Variants in COG1 observed in about 807,000 individuals in gnomAD.
COG1 encodes conserved oligomeric Golgi complex subunit 1.
A neutral mutation model predicts 102.2 loss-of-function variants in COG1; 61 were observed. That is an observed-to-expected ratio of 0.60 (90% confidence interval 0.49 to 0.74). The LOEUF (loss-of-function observed/expected upper bound fraction) is 0.74. Ranked by LOEUF, COG1 falls within the 30% of genes least tolerant of loss-of-function variation. The pLI is 0.00. For missense variants in COG1, 1,164 were observed against 1,232.1 expected (o/e 0.94, Z 0.83); for synonymous variants, 454 against 493.6 (o/e 0.92, Z 1.06).
At chr17:73,207,954 GCAAAAAC>G in intron 13 of COG1, 1 of 1,211,512 alleles carries the variant, frequency 8.3e-7, no homozygotes, top group Admixed American at 3.8e-5. Context: ...AAAAGCTCTT[GCAAAAAC>G]CATCCAGTCC....
At chr17:73,207,690 G>A (rs538172842) in intron 13 of COG1, 54 of 1,293,102 alleles carry the variant, frequency 4.2e-5, no homozygotes, top group South Asian at 3.3e-4. Flanking sequence ...GTTAATACAC[G>A]TTTCATTTCA....
rs140883749 is a variant in COG1, at chr17:73,200,468, C to G, written c.1071-98C>G. 167 of 1,043,068 alleles carry G rather than the reference C, an allele frequency of 1.6e-4. 3 individuals are homozygous for G. The East Asian group carries it at 2.8e-3, about 17-fold the overall frequency. 64.6% of individuals were successfully genotyped at this position (1,043,068 alleles called of 1,614,324 possible). A position where few individuals can be genotyped will look rare whatever the true frequency, so the allele number is the denominator to read the frequency against. ...ACATAGATATTTATCTACTGGAACTCAGATAAGAGATTGTCAAATGGGATT... is the reference window on the plus strand; with the variant it reads ...ACATAGATATTTATCTACTGGAACTGAGATAAGAGATTGTCAAATGGGATT... On this transcript the variant is annotated intron_variant, in intron 5 of 13. Transcript: ENST00000299886.
chr17:73,193,243 C>G lies in COG1; in HGVS notation c.174C>G (p.Asp58Glu). 3.1e-6 allele frequency: 5 copies of G among 1,608,818 alleles called. No individual in the cohort carries two copies. The highest frequency in any genetic ancestry group is 2.2e-5 in the South Asian group (2 of 90,052). ...AGATGGTGGGCGAACGGTACCGCGACCTGATCGAGGCGGCCGACACCATCG... is the reference window on the plus strand; with the variant it reads ...AGATGGTGGGCGAACGGTACCGCGAGCTGATCGAGGCGGCCGACACCATCG... ...LRQMVGERYR[D>E]LIEAADTIGQ... Residue 58 changes from aspartate (D) to glutamate (E), a missense_variant, in exon 1 of 14, where the codon GAC (aspartate) becomes GAG (glutamate). Physicochemically the swap from Asp to Glu is conservative, Grantham distance 45. Transcript: ENST00000299886.
rs1204848032 is a variant in COG1 at position 73,204,422 on chromosome 17, CAGTTGCCTGCCACAA to C, written c.2382+633_2382+647del. On this transcript the variant is annotated intron_variant, in intron 9 of 13. Transcript: ENST00000299886. Reference sequence around the variant, plus strand: ...GGTGACTGTGGGGAGTTAGAGAGAACAGTTGCCTGCCACAAAGTGTGACACACAGAGGTGCTTACT... The same window carrying C: ...GGTGACTGTGGGGAGTTAGAGAGAACAGTGTGACACACAGAGGTGCTTACT... Among the ~76,000 whole-genome samples the C allele has an allele frequency of 1.3e-5, 2 of 152,110 alleles. 1 individual carries two copies. Among genetic ancestry groups the C allele is most frequent in the African/African-American group, 4.8e-5 (2 of 41,376 alleles).
chr17:73,201,681 C>A lies in COG1; in HGVS notation c.1854C>A (p.Cys618Ter). The A allele has an allele frequency of 6.2e-7, 1 of 1,614,192 alleles. No individual in the cohort carries two copies. Among genetic ancestry groups the A allele is most frequent in the Non-Finnish European group, 8.5e-7 (1 of 1,180,044 alleles). ...CAGTTCTTTTCATGGCCAGACTCTG[C>A]CAGTCCCTGGGAGAGCTGTGCCCCC... ...LHSVLFMARL[C>*]QSLGELCPHL... is the part of the protein sequence containing the mutation. Residue 618 changes from cysteine (C) to a stop codon, truncating the protein, a stop_gained, in exon 7 of 14, where the codon TGC becomes TGA. Transcript: ENST00000299886. LOFTEE classifies it high-confidence loss of function.
At position 73,208,392 on chromosome 17, in the gene COG1, G is replaced by C; in HGVS notation, c.2884G>C (p.Asp962His). ...SLFRQLVSEE[D>H]NTSAPSLFKL... is the part of the protein sequence containing the mutation. Reference sequence around the variant, plus strand: ...GTTCAGACAGCTTGTCAGTGAAGAAGACAACACGTCTGCACCTTCATTATT... The same window carrying C: ...GTTCAGACAGCTTGTCAGTGAAGAACACAACACGTCTGCACCTTCATTATT... The change falls in exon 14 of 14, where the codon GAC (aspartate) becomes CAC (histidine). Residue 962 changes from aspartate to histidine, a missense_variant. Physicochemically the swap from Asp to His is moderately conservative, Grantham distance 81 (BLOSUM62 -1). Transcript: ENST00000299886. 6.2e-7 allele frequency: 1 copy of C among 1,614,124 alleles called. No homozygotes were observed. Among genetic ancestry groups the C allele is most frequent in the Non-Finnish European group, 8.5e-7 (1 of 1,179,974 alleles).
At chr17:73,193,440 C>G (rs1245072327) in intron 1 of COG1, 56 bp downstream of exon 1, 5 of 1,379,494 alleles carry the variant, frequency 3.6e-6, no homozygotes, top group Middle Eastern at 2.7e-4. Flanking sequence ...AGCCCCTGGC[C>G]TTGCAGGTCA....
At chr17:73,204,525 C>T (rs2061360118) in intron 9 of COG1, among the ~76,000 whole-genome samples, 1 of 151,028 alleles carries the variant, frequency 6.6e-6, no homozygotes, top group Non-Finnish European at 1.5e-5. Context: ...GCGTTCTGCC[C>T]TTGGTGTATA....
At position 73,205,641 on chromosome 17, in the gene COG1, G is replaced by A; in HGVS notation, c.2471G>A (p.Gly824Asp). 6.2e-7 allele frequency: 1 copy of A among 1,614,040 alleles called. No individual in the cohort carries two copies. Among genetic ancestry groups the A allele is most frequent in the Non-Finnish European group, 8.5e-7 (1 of 1,180,000 alleles). The change falls in exon 10 of 14, where the codon GGT becomes GAT. Residue 824 changes from glycine (G) to aspartate (D), a missense_variant. Transcript: ENST00000299886. ...RYLNIVLTAKGDEVKSGRSKP... is the reference protein window; with the variant it reads ...RYLNIVLTAKDDEVKSGRSKP... ...CTCAACATTGTTCTGACAGCCAAGG[G>A]TGACGAGGTGAAGAGTGGCCGGAGC...
At chr17:73,205,832 A>T in intron 10 of COG1, 152 bp downstream of exon 10, 2 of 968,128 alleles carry the variant, frequency 2.1e-6, no homozygotes, top group Non-Finnish European at 3.3e-6. Context: ...CAAGTTAAAT[A>T]ATGGCCGCCT....
At chr17:73,193,718 G>A (rs1402209807) in intron 1 of COG1, among the ~76,000 whole-genome samples, 6 of 152,122 alleles carry the variant, frequency 3.9e-5, no homozygotes, top group African/African-American at 1.2e-4. Context: ...ACAGTTCAAC[G>A]CTCACCTATA....
chr17:73,204,125 C>T (rs1157384324), intron 9 of COG1, among the ~76,000 whole-genome samples: 2 of 152,176 alleles, frequency 1.3e-5, no homozygotes, highest in African/African-American at 2.4e-5. Context: ...CATCTCACCA[C>T]TGCACTCCAG....
At chr17:73,207,407 A>G in intron 13 of COG1, 151 bp downstream of exon 13, 1 of 797,534 alleles carries the variant, frequency 1.3e-6, no homozygotes, top group Non-Finnish European at 2.1e-6. Context: ...AGAGAAGTAC[A>G]AGGTTTTACT....
At position 73,201,268 on chromosome 17, in the gene COG1, A is replaced by G. The variant is rs764355806; in HGVS notation, c.1441A>G (p.Asn481Asp). 6.2e-7 allele frequency: 1 copy of G among 1,614,200 alleles called. No homozygotes were observed. The highest frequency in any genetic ancestry group is 8.5e-7 in the Non-Finnish European group (1 of 1,180,028). The part of the protein sequence containing the change: ...MSLFLWSESP[N>D]DLPSDAAWVS... ...GCTCTTCCTCTGGTCTGAGAGTCCT[A>G]ATGACCTGCCTTCCGATGCGGCCTG... Residue 481 changes from asparagine to aspartate, a missense_variant, in exon 7 of 14, where the codon AAT becomes GAT. Transcript: ENST00000299886.
chr17:73,207,092 CA>C (rs57965299), intron 12 of COG1, 88 bp from the exon 13 acceptor site: 3,992 of 830,268 alleles, frequency 4.8e-3, no homozygotes, highest in Admixed American at 5.0e-3. Context: ...GACTCTGTCT[CA>C]AAAAAAAAAA....
intron 11 of COG1, 56 bp downstream of exon 11, chr17:73,206,318 C>A: frequency 7.5e-7 from 1 of 1,328,706 alleles, no homozygotes; most frequent in Non-Finnish European, 1.1e-6. Flanking sequence ...GCTCAAATAA[C>A]AAAATTAACC....
At chr17:73,194,484 G>A in intron 1 of COG1, among the ~76,000 whole-genome samples, 1 of 137,110 alleles carries the variant, frequency 7.3e-6, no homozygotes, top group Non-Finnish European at 1.5e-5. Context: ...TATTTTTTGA[G>A]ACAGGATCTC....
At chr17:73,200,844 G>C (rs940497242) in intron 6 of COG1, 68 bp downstream of exon 6, 2 of 1,435,304 alleles carry the variant, frequency 1.4e-6, no homozygotes, top group African/African-American at 2.8e-5. Flanking sequence ...ACTGTCTTGG[G>C]AGATTTCTGT....
intron 9 of COG1, among the ~76,000 whole-genome samples, chr17:73,204,878 C>T (rs2061361757): frequency 6.6e-6 from 1 of 152,128 alleles, no homozygotes; most frequent in African/African-American, 2.4e-5. Flanking sequence ...TTAGAAGGAA[C>T]ATGGTCAGGT....
Sources: allele counts gnomAD v4.1 joint callset (sites outside exome capture counted in the v4.1 genomes callset), GRCh38; gene constraint gnomAD v4.1.1; transcripts MANE v1.5; gene names NCBI Gene and HGNC (gene_info 2026-07-23, HGNC 2026-07-21).